Variants in ARHGAP39 observed in about 807,000 individuals in gnomAD.
ARHGAP39 encodes Rho GTPase activating protein 39, also known as rho GTPase-activating protein 39.
A neutral mutation model predicts 106.9 loss-of-function variants in ARHGAP39; 44 were observed. The ratio of observed to expected loss-of-function variants is 0.41; its 90% CI spans 0.32 to 0.53. The LOEUF (loss-of-function observed/expected upper bound fraction) is 0.53. Ranked by LOEUF, ARHGAP39 falls within the 20% of genes least tolerant of loss-of-function variation. The probability of loss-of-function intolerance (pLI) is 0.21; values close to 1 mark genes in which losing one functional copy is unlikely to be tolerated. For synonymous variants in ARHGAP39, 768 were observed against 693.2 expected (o/e 1.11, Z -1.69); for missense variants, 1,496 against 1,577.3 (o/e 0.95, Z 0.87).
At chr8:144,553,164 C>T (rs1198092129) in intron 4 of ARHGAP39, among the ~76,000 whole-genome samples, 2 of 152,186 alleles carry the variant, frequency 1.3e-5, no homozygotes, top group Non-Finnish European at 2.9e-5. Flanking sequence ...TGGGATCTCC[C>T]ACGAGCGGCC....
At chr8:144,581,303 C>T in intron 2 of ARHGAP39, 26 bp from the exon 3 acceptor site, 1 of 1,515,532 alleles carries the variant, frequency 6.6e-7, no homozygotes, top group East Asian at 2.5e-5. Context: ...GTTAAGGCGG[C>T]TGGAGCCACG....
intron 3 of ARHGAP39, among the ~76,000 whole-genome samples, chr8:144,580,320 C>T (rs1477532459): frequency 6.6e-6 from 1 of 152,304 alleles, no homozygotes; most frequent in Admixed American, 6.5e-5. Flanking sequence ...ACGCAAATCC[C>T]CACATCTGCA....
intron 3 of ARHGAP39, among the ~76,000 whole-genome samples, 180 bp from the exon 4 acceptor site, chr8:144,555,823 C>T (rs1445100664): frequency 1.3e-5 from 2 of 152,226 alleles, no homozygotes; most frequent in African/African-American, 2.4e-5. Flanking sequence ...AGCAGGTACA[C>T]ACCACTGTGG....
At chr8:144,655,926 A>AT (rs758912261) in intron 1 of ARHGAP39, among the ~76,000 whole-genome samples, 5 of 152,200 alleles carry the variant, frequency 3.3e-5, no homozygotes, top group Non-Finnish European at 7.3e-5. Context: ...ATCAAAAGCA[A>AT]TGCACAAAAG....
rs1352538923 is a variant in ARHGAP39, at chr8:144,586,878, T to C, written c.81-5601A>G. On this transcript the variant is annotated intron_variant, in intron 2 of 11. Transcript: ENST00000377307. This position sits in a 1 kb window ranked among gnomAD's most constrained non-coding sequence, Gnocchi z 4.2. ...TCATACACCAGGATGGGCAATGATA[T>C]GGTTTGGCTGTGTCCCCACCCAAAT... 1.3e-5 allele frequency among the ~76,000 whole-genome samples: 2 copies of C among 152,178 alleles called. No individual in the cohort carries two copies. Among genetic ancestry groups the C allele is most frequent in the Non-Finnish European group, 2.9e-5 (2 of 68,018 alleles).
At chr8:144,576,305 C>G (rs1047234420) in intron 3 of ARHGAP39, among the ~76,000 whole-genome samples, 4 of 138,654 alleles carry the variant, frequency 2.9e-5, no homozygotes, top group Non-Finnish European at 6.0e-5. Context: ...TGCACTCCAG[C>G]CTGGGCGACA....
Position 144,657,136 on chromosome 8 carries a change from G to A in ARHGAP39, c.-82+28550C>T, listed in dbSNP as rs139035222. Among the ~76,000 whole-genome samples, 213 of 152,136 alleles carry A rather than the reference G, an allele frequency of 1.4e-3. 2 individuals carry two copies. The East Asian group carries it at 0.036, about 25-fold the overall frequency. On this transcript the variant is annotated intron_variant, in intron 1 of 11. Transcript: ENST00000377307. ...TGGCCTAGCATGGTGGCTCATGCCTGTAATTCCAGCACTTTTGCAGGCCAA... is the reference window on the plus strand; with the variant it reads ...TGGCCTAGCATGGTGGCTCATGCCTATAATTCCAGCACTTTTGCAGGCCAA...
intron 1 of ARHGAP39, among the ~76,000 whole-genome samples, chr8:144,649,004 A>G (rs185903960): frequency 3.6e-4 from 55 of 152,330 alleles, no homozygotes; most frequent in African/African-American, 1.3e-3. Context: ...AACCAAAATC[A>G]AAACTGACCT....
chr8:144,602,483 TGC>T (rs775912644), intron 2 of ARHGAP39, among the ~76,000 whole-genome samples: 9 of 131,412 alleles, frequency 6.8e-5, no homozygotes, highest in South Asian at 2.6e-4. Flanking sequence ...GCGTGGTGTG[TGC>T]GCGAGCTCAT....
chr8:144,582,620 G>A (rs1819035281), intron 2 of ARHGAP39, among the ~76,000 whole-genome samples: 1 of 152,252 alleles, frequency 6.6e-6, no homozygotes, highest in South Asian at 2.1e-4. Context: ...AGTCCACGTG[G>A]GGCCATGAGG....
chr8:144,672,112 A>G (rs2082047837), intron 1 of ARHGAP39, among the ~76,000 whole-genome samples: 1 of 152,236 alleles, frequency 6.6e-6, no homozygotes, highest in South Asian at 2.1e-4. Context: ...TTTCCACAGC[A>G]CGCCTGAATT....
At chr8:144,551,270 C>T (rs990858868) in intron 4 of ARHGAP39, among the ~76,000 whole-genome samples, 13 of 152,030 alleles carry the variant, frequency 8.6e-5, no homozygotes, top group Non-Finnish European at 1.6e-4. Context: ...GGTGAGGGCA[C>T]GTGAAAGGCT....
chr8:144,548,365 G>C lies in ARHGAP39; in HGVS notation c.721C>G (p.Arg241Gly). The change falls in exon 5 of 12, where the codon CGC becomes GGC. Residue 241 changes from arginine (R) to glycine (G), a missense_variant. Physicochemically the swap from Arg to Gly is moderately radical, Grantham distance 125 (BLOSUM62 -2). This residue lies in a region of ARHGAP39 where 905 missense variants were observed against 816.4 expected (regional missense o/e 1.11). Coordinates refer to ENST00000377307, the MANE Select transcript of ARHGAP39 (RefSeq NM_025251.3). This position sits in a 1 kb window ranked among gnomAD's most constrained non-coding sequence, Gnocchi z 7.4. ...GYAPDGPPGV[R>G]SRRPSGSQHS... is the part of the protein sequence containing the mutation. Reference sequence around the variant, plus strand: ...TGGCTGCCGGAGGGTCTGCGGGAGCGGACCCCAGGTGGGCCGTCTGGGGCG... The same window carrying C: ...TGGCTGCCGGAGGGTCTGCGGGAGCCGACCCCAGGTGGGCCGTCTGGGGCG... The C allele has an allele frequency of 9.3e-6, 15 of 1,608,532 alleles. No individual in the cohort carries two copies. Among genetic ancestry groups the C allele is most frequent in the Non-Finnish European group, 1.3e-5 (15 of 1,177,792 alleles).
chr8:144,652,629 G>A (rs1427711629), intron 1 of ARHGAP39, among the ~76,000 whole-genome samples: 1 of 152,164 alleles, frequency 6.6e-6, no homozygotes, highest in Non-Finnish European at 1.5e-5. Context: ...TGGAGCTGGA[G>A]GCTATTCTCC....
intron 2 of ARHGAP39, among the ~76,000 whole-genome samples, chr8:144,600,268 GTC>G (rs1191062656): frequency 6.7e-6 from 1 of 149,580 alleles, no homozygotes; most frequent in East Asian, 2.0e-4. Context: ...GCGTGGGGGT[GTC>G]TGTGTGCTCC....
At chr8:144,602,996 C>T (rs1322510591) in intron 2 of ARHGAP39, among the ~76,000 whole-genome samples, 94 of 101,304 alleles carry the variant, frequency 9.3e-4, no homozygotes, top group East Asian at 3.8e-3. Flanking sequence ...TGTGCATGTG[C>T]GTGGAGGTGT....
At chr8:144,530,644 A>AGGGGAGGGGGGGGGGGGGGGGGGGG in intron 11 of ARHGAP39, 28 bp from the exon 12 acceptor site, 1 of 189,564 alleles carries the variant, frequency 5.3e-6, no homozygotes. Flanking sequence ...GTGGGCGCGG[A>AGGGGAGGGGGGGGGGGGGGGGGGGG]GGGGCGGGGG....
chr8:144,559,254 G>T (rs1421675766), intron 3 of ARHGAP39, among the ~76,000 whole-genome samples: 1 of 147,766 alleles, frequency 6.8e-6, no homozygotes, highest in Non-Finnish European at 1.5e-5. Flanking sequence ...GGTGACACAT[G>T]CCTGTGGTCA....
At chr8:144,597,404 G>A (rs1819661703) in intron 2 of ARHGAP39, among the ~76,000 whole-genome samples, 1 of 152,172 alleles carries the variant, frequency 6.6e-6, no homozygotes, top group African/African-American at 2.4e-5. Context: ...GAGGGCGGAG[G>A]CATCTTTGAA....
Sources: allele counts gnomAD v4.1 joint callset (sites outside exome capture counted in the v4.1 genomes callset), GRCh38; gene constraint gnomAD v4.1.1; regional missense constraint gnomAD v4.1.1; non-coding constraint Gnocchi (gnomAD v3.1); transcripts MANE v1.5; gene names NCBI Gene and HGNC (gene_info 2026-07-23, HGNC 2026-07-21).